Variants in ATP2B2 observed in about 807,000 individuals in gnomAD.
ATP2B2 encodes the protein plasma membrane calcium-transporting ATPase 2.
ATP2B2 carries 15 observed loss-of-function variants against 120.0 expected under a neutral mutation model. The ratio of observed to expected loss-of-function variants is 0.12; its 90% CI spans 0.08 to 0.19. The LOEUF is 0.19. ATP2B2 is among the 10% of genes least tolerant of loss of function. ATP2B2 has a pLI of 1.00. For synonymous variants in ATP2B2, 694 were observed against 700.3 expected, an observed-to-expected ratio of 0.99 and a Z score of 0.14; for missense variants, 1,045 against 1,719.8, an observed-to-expected ratio of 0.61 and a Z score of 6.94.
chr3:10,493,559 A>T (rs1338465358), intron 1 of ATP2B2, among the ~76,000 whole-genome samples: 1 of 152,188 alleles, frequency 6.6e-6, no homozygotes, highest in Non-Finnish European at 1.5e-5. Flanking sequence ...TGGAGTTTCA[A>T]GCAGGAACAC....
At chr3:10,330,818 C>G (rs1244877738) in intron 22 of ATP2B2, among the ~76,000 whole-genome samples, 1 of 152,152 alleles carries the variant, frequency 6.6e-6, no homozygotes, top group South Asian at 2.1e-4. Flanking sequence ...AGTGTCATCG[C>G]TGAAGGTTTG....
chr3:10,508,374 G>C (rs532307766), upstream of ATP2B2, among the ~76,000 whole-genome samples: 7 of 152,238 alleles, frequency 4.6e-5, no homozygotes, highest in South Asian at 1.5e-3. Context: ...TTCTACCTCT[G>C]ACCACACTGT....
chr3:10,692,484 T>C (rs2071682599), intron 1 of ATP2B2, among the ~76,000 whole-genome samples: 1 of 152,184 alleles, frequency 6.6e-6, no homozygotes. Context: ...CAGTAGCTAC[T>C]GGATGCGCAC....
intron 1 of ATP2B2, among the ~76,000 whole-genome samples, chr3:10,699,987 T>C (rs994127582): frequency 6.6e-6 from 1 of 152,152 alleles, no homozygotes; most frequent in Non-Finnish European, 1.5e-5. Context: ...TCTCTTACAA[T>C]AGCACAAACA....
chr3:10,510,473 A>C (rs892844088), upstream of ATP2B2, among the ~76,000 whole-genome samples: 2 of 152,208 alleles, frequency 1.3e-5, no homozygotes, highest in Non-Finnish European at 2.9e-5. Flanking sequence ...GGTGGGGTGA[A>C]TCTGGGTCCT....
At chr3:10,380,457 C>T (rs575561916) in intron 8 of ATP2B2, among the ~76,000 whole-genome samples, 3 of 152,372 alleles carry the variant, frequency 2.0e-5, no homozygotes, top group African/African-American at 7.2e-5. Context: ...TGGGCACACA[C>T]ATAAGCTCTG....
At chr3:10,699,163 T>C (rs2071782184) in intron 1 of ATP2B2, among the ~76,000 whole-genome samples, 1 of 152,178 alleles carries the variant, frequency 6.6e-6, no homozygotes, top group East Asian at 1.9e-4. Flanking sequence ...ATAGCTCTCT[T>C]CTCTTCTTTC....
At chr3:10,708,056 G>GCCGCCGCCCGCCCGCCTCCCTCCCT (rs1559529395), upstream of ATP2B2, 2 of 37,742 alleles carry the variant, frequency 5.3e-5, no homozygotes, top group African/African-American at 1.1e-4. Context: ...CCGCGGCCCC[G>GCCGCCGCCCGCCCGCCTCCCTCCCT]CCGCCGCCCG....
At chr3:10,414,906 G>T (rs1453205569) in intron 2 of ATP2B2, among the ~76,000 whole-genome samples, 12 of 152,166 alleles carry the variant, frequency 7.9e-5, no homozygotes, top group Non-Finnish European at 1.6e-4. Context: ...TGCTAGGACT[G>T]TTCCCATGGC....
At chr3:10,544,199 T>C (rs1243743971) in intron 2 of ATP2B2, among the ~76,000 whole-genome samples, 1 of 152,196 alleles carries the variant, frequency 6.6e-6, no homozygotes, top group Non-Finnish European at 1.5e-5. Flanking sequence ...TTCCCTAATC[T>C]GCTTGATTTA....
intron 1 of ATP2B2, among the ~76,000 whole-genome samples, chr3:10,480,530 G>A (rs141323539): frequency 3.7e-4 from 56 of 152,268 alleles, no homozygotes; most frequent in African/African-American, 1.3e-3. Context: ...ACTGCCCCGC[G>A]CCTATGTGGG....
chr3:10,384,924 C>T (rs1054076848), intron 8 of ATP2B2, among the ~76,000 whole-genome samples: 3 of 152,172 alleles, frequency 2.0e-5, no homozygotes, highest in African/African-American at 7.2e-5. Flanking sequence ...AAAGCCAGGG[C>T]CAGGAATACA....
chr3:10,595,695 T>C (rs888859635), intron 2 of ATP2B2, among the ~76,000 whole-genome samples: 1 of 152,262 alleles, frequency 6.6e-6, no homozygotes, highest in Non-Finnish European at 1.5e-5. Flanking sequence ...TTATGTTTAC[T>C]TGATGCTTGG....
At chr3:10,450,644 G>T (rs1020101985) in intron 1 of ATP2B2, among the ~76,000 whole-genome samples, 1 of 152,060 alleles carries the variant, frequency 6.6e-6, no homozygotes, top group Non-Finnish European at 1.5e-5. Flanking sequence ...CCCAGTATGA[G>T]TTCAGGTCCA....
At chr3:10,643,431 A>G (rs891434307) in intron 1 of ATP2B2, among the ~76,000 whole-genome samples, 5 of 152,234 alleles carry the variant, frequency 3.3e-5, no homozygotes, top group African/African-American at 1.2e-4. Flanking sequence ...GAGAAGCAGC[A>G]TTATTTACCT....
intron 1 of ATP2B2, among the ~76,000 whole-genome samples, chr3:10,503,100 G>C (rs999401258): frequency 3.9e-5 from 6 of 152,236 alleles, no homozygotes; most frequent in Admixed American, 3.3e-4. Context: ...CCTGAGCTGG[G>C]GGAACGCAGA....
intron 1 of ATP2B2, among the ~76,000 whole-genome samples, chr3:10,696,423 C>T (rs2071742397): frequency 6.6e-6 from 1 of 152,200 alleles, no homozygotes; most frequent in African/African-American, 2.4e-5. Context: ...CTGGTTCTCC[C>T]ACAGCGAGGG....
chr3:10,556,721 C>T (rs574342149), intron 2 of ATP2B2, among the ~76,000 whole-genome samples: 7 of 152,218 alleles, frequency 4.6e-5, no homozygotes, highest in Admixed American at 6.5e-5. Flanking sequence ...AAATGTTATT[C>T]TGTCATTTAT....
intron 2 of ATP2B2, among the ~76,000 whole-genome samples, chr3:10,427,699 G>A (rs1437362626): frequency 2.0e-5 from 3 of 152,160 alleles, no homozygotes; most frequent in Non-Finnish European, 4.4e-5. Context: ...AATTCCAATC[G>A]ATGGCCACAA....
Sources: gnomAD v4.1 joint callset for allele counts (sites outside exome capture counted in the v4.1 genomes callset) on GRCh38, gnomAD v4.1.1 for gene constraint, MANE v1.5 for transcripts, NCBI Gene and HGNC (gene_info 2026-07-23, HGNC 2026-07-21) for gene names.